PPIP5K2: variants seen among roughly 807,000 people sequenced by gnomAD.
PPIP5K2 encodes the protein inositol hexakisphosphate and diphosphoinositol-pentakisphosphate kinase 2.
Under a neutral mutation model 154.6 loss-of-function variants are expected in PPIP5K2, and 105 were observed. The ratio of observed to expected loss-of-function variants is 0.68; its 90% CI spans 0.58 to 0.80. PPIP5K2 has a LOEUF of 0.80. Among genes scored for constraint, PPIP5K2 ranks in the 30% least tolerant of loss-of-function variants. The pLI, the probability that PPIP5K2 is intolerant of heterozygous loss-of-function variation, is 0.00. For synonymous variants in PPIP5K2, 480 were observed against 490.3 expected (o/e 0.98, Z 0.28); for missense variants, 992 against 1,504.6 (o/e 0.66, Z 5.64).
rs567943185 is a variant in PPIP5K2, at chr5:103,161,239, T to C, written c.1920+1911T>C. ...GTTTTTTGTCCTTTCGATAGTTTGC[T>C]GAGAATGATGGTTTCCAGCTTCATC... On this transcript the variant is annotated intron_variant, in intron 17 of 30. Coordinates refer to ENST00000358359, the MANE Select transcript of PPIP5K2 (RefSeq NM_001276277.3). Among the ~76,000 whole-genome samples, 1,024 of 152,230 alleles carry C rather than the reference T, an allele frequency of 6.7e-3. 7 individuals carry two copies. Among genetic ancestry groups the C allele is most frequent in the Non-Finnish European group, 0.013 (852 of 68,020 alleles).
Position 103,154,746 on chromosome 5 carries a change from G to A in PPIP5K2, c.1293+1G>A. 1 of 1,581,554 alleles carries A rather than the reference G, an allele frequency of 6.3e-7. No homozygotes were observed. Among genetic ancestry groups the A allele is most frequent in the Non-Finnish European group, 8.6e-7 (1 of 1,163,284 alleles). On this transcript the variant is annotated splice_donor_variant, in intron 12 of 30. Coordinates refer to ENST00000358359, the MANE Select transcript of PPIP5K2 (RefSeq NM_001276277.3). LOFTEE classifies it high-confidence loss of function. ...ACTCAAAAAACCAAAACAGTTACAG[G>A]CAAGTGTATTTGCTTTCTTGTTTAA...
chr5:103,128,670 G>C (rs1790120483), intron 1 of PPIP5K2, among the ~76,000 whole-genome samples: 1 of 152,056 alleles, frequency 6.6e-6, no homozygotes, highest in African/African-American at 2.4e-5. Flanking sequence ...TAGTGCACAT[G>C]TACTTTTTTT....
intron 19 of PPIP5K2, among the ~76,000 whole-genome samples, chr5:103,170,965 G>C (rs776397605): frequency 6.6e-6 from 1 of 151,500 alleles, no homozygotes; most frequent in Non-Finnish European, 1.5e-5. Flanking sequence ...GGGTACCACT[G>C]TGAAAGAGAA....
chr5:103,121,168 T>G (rs1307890865), intron 1 of PPIP5K2, among the ~76,000 whole-genome samples: 7 of 127,926 alleles, frequency 5.5e-5, no homozygotes, highest in African/African-American at 2.0e-4. Flanking sequence ...ATAGCTGACC[T>G]TAGCACGTAA....
rs782338131 is a variant in PPIP5K2, at chr5:103,147,919, T to A, written c.643-12T>A. On this transcript the variant is annotated splice_polypyrimidine_tract_variant and intron_variant, in intron 6 of 30. Coordinates refer to ENST00000358359, the MANE Select transcript of PPIP5K2 (RefSeq NM_001276277.3). ...TTGCTTTTTTATATCGATGGACATC[T>A]TTTGTTTTCAGATTGGCAGTAGAAG... 1.3e-6 allele frequency: 2 copies of A among 1,528,422 alleles called. No individual in the cohort carries two copies. The highest frequency in any genetic ancestry group is 1.8e-6 in the Non-Finnish European group (2 of 1,126,812). 94.7% of individuals were successfully genotyped at this position (1,528,422 alleles called of 1,614,324 possible). A position where few individuals can be genotyped will look rare whatever the true frequency, so the allele number is the denominator to read the frequency against.
Position 103,131,551 on chromosome 5 carries a change from G to T in PPIP5K2, c.114+1848G>T, listed in dbSNP as rs748722846. Among the ~76,000 whole-genome samples, 6 of 152,138 alleles carry T rather than the reference G, an allele frequency of 3.9e-5. 1 individual carries two copies. The highest frequency in any genetic ancestry group is 3.4e-3 in the Middle Eastern group (1 of 294). ...TATCACAATTTATTTTATTATTACT[G>T]TGTTCCCTGTTAAGGACAGGTAATT... On this transcript the variant is annotated intron_variant, in intron 2 of 30. Coordinates refer to ENST00000358359, the MANE Select transcript of PPIP5K2 (RefSeq NM_001276277.3).
chr5:103,183,550 T>C lies in PPIP5K2; in HGVS notation c.3096+143T>C, dbSNP rs141995996. 1.9e-4 allele frequency: 128 copies of C among 685,314 alleles called. 1 individual carries two copies. The African/African-American group carries it at 2.2e-3, about 12-fold the overall frequency. 42.5% of individuals were successfully genotyped at this position (685,314 alleles called of 1,614,324 possible). A position where few individuals can be genotyped will look rare whatever the true frequency, so the allele number is the denominator to read the frequency against. The stretch of plus-strand genomic sequence containing the variant: ...TAATTTTGAGTTCATTTAAAAATAC[T>C]TAATGATATCTGCCAATATTCAAGG... On this transcript the variant is annotated intron_variant, in intron 25 of 30. Coordinates refer to ENST00000358359, the MANE Select transcript of PPIP5K2 (RefSeq NM_001276277.3).
chr5:103,159,435 CAT>C (rs1427106788), intron 17 of PPIP5K2, 107 bp downstream of exon 17: 1 of 919,202 alleles, frequency 1.1e-6, no homozygotes, highest in Middle Eastern at 2.6e-4. Context: ...AGCAAATACA[CAT>C]GTTATCATCC....
At chr5:103,199,804 A>G (rs2149850152) in intron 30 of PPIP5K2, among the ~76,000 whole-genome samples, 1 of 152,126 alleles carries the variant, frequency 6.6e-6, no homozygotes, top group South Asian at 2.1e-4. Context: ...TGATTCTTTT[A>G]AATAGTTTTT....
At position 103,152,749 on chromosome 5, in the gene PPIP5K2, T is replaced by C; in HGVS notation, c.1130T>C (p.Met377Thr). Residue 377 changes from methionine (M) to threonine (T), a missense_variant and splice_region_variant, in exon 10 of 31, where the codon ATG (methionine) becomes ACG (threonine). By Grantham distance (81) the Met-to-Thr change is moderately conservative. Around this residue, in one of 9 missense-constraint regions of PPIP5K2, gnomAD observed 163 missense variants for 285.2 expected, o/e 0.57. Coordinates refer to ENST00000358359, the MANE Select transcript of PPIP5K2 (RefSeq NM_001276277.3). Reference sequence around the variant, plus strand: ...ATTGTACCAACTACATCTGGAACTATGTAAGTCTGAATTATTTTCATTTAG... The same window carrying C: ...ATTGTACCAACTACATCTGGAACTACGTAAGTCTGAATTATTTTCATTTAG... ...IPIVPTTSGT[M>T]MELRCVIAVI... The C allele has an allele frequency of 6.5e-7, 1 of 1,530,638 alleles. No homozygotes were observed. The highest frequency in any genetic ancestry group is 9.0e-7 in the Non-Finnish European group (1 of 1,108,084). The allele number at this position is 1,530,638 out of a possible 1,614,324, so 94.8% of individuals were successfully genotyped here.
chr5:103,129,756 TTTA>T, intron 2 of PPIP5K2, 53 bp downstream of exon 2: 1 of 1,474,222 alleles, frequency 6.8e-7, no homozygotes, highest in Non-Finnish European at 9.0e-7. Context: ...GTATAGGCTT[TTTA>T]CTAATCACTG....
chr5:103,172,447 A>G (rs1401838279), intron 19 of PPIP5K2, among the ~76,000 whole-genome samples: 2 of 150,952 alleles, frequency 1.3e-5, no homozygotes, highest in African/African-American at 4.9e-5. Context: ...TTGGAGAGAG[A>G]AGGTATATGT....
At chr5:103,187,450 TG>T (rs1562496299) in intron 28 of PPIP5K2, 74 bp downstream of exon 28, 1 of 1,189,226 alleles carries the variant, frequency 8.4e-7, no homozygotes, top group African/African-American at 1.5e-5. Flanking sequence ...TTTCAAAATG[TG>T]GGGTATACAG....
chr5:103,132,527 CAG>C (rs1790803170), intron 2 of PPIP5K2, among the ~76,000 whole-genome samples: 1 of 151,618 alleles, frequency 6.6e-6, no homozygotes, highest in Non-Finnish European at 1.5e-5. Context: ...GCCTGGGCGA[CAG>C]AGCGAGACTT....
At chr5:103,175,804 A>G (rs1798614213) in intron 21 of PPIP5K2, among the ~76,000 whole-genome samples, 1 of 152,050 alleles carries the variant, frequency 6.6e-6, no homozygotes, top group Admixed American at 6.6e-5. Flanking sequence ...TTTTGGGCAT[A>G]TATTGAATTC....
intron 5 of PPIP5K2, among the ~76,000 whole-genome samples, chr5:103,141,497 T>C (rs1792649560): frequency 6.6e-6 from 1 of 152,188 alleles, no homozygotes; most frequent in Non-Finnish European, 1.5e-5. Context: ...GCTTTTATTC[T>C]CTTATCTGGC....
At position 103,208,379 on chromosome 5, in the gene PPIP5K2, A is replaced by G. The variant is rs1264696018; in HGVS notation, c.*6745A>G. 6.6e-6 allele frequency: 1 copy of G among 152,232 alleles called. No homozygotes were observed. Among genetic ancestry groups the G allele is most frequent in the Non-Finnish European group, 1.5e-5 (1 of 68,110 alleles). The allele number at this position is 152,232 out of a possible 1,614,324, so 9.4% of individuals were successfully genotyped here. A position where few individuals can be genotyped will look rare whatever the true frequency, so the allele number is the denominator to read the frequency against. ...GCTGGAATTACAGGCATGAGCCATC[A>G]TGCCCGGCCGTAGGTTGGCATTTTA... On this transcript the variant is annotated 3_prime_UTR_variant, in exon 31 of 31. Transcript: ENST00000358359.
intron 17 of PPIP5K2, among the ~76,000 whole-genome samples, chr5:103,161,168 T>C (rs1229400826): frequency 1.3e-5 from 2 of 150,248 alleles, no homozygotes; most frequent in Non-Finnish European, 1.5e-5. Context: ...GTCCAAGTGT[T>C]CTCATTGTTC....
At chr5:103,132,860 A>G (rs1275343798) in intron 2 of PPIP5K2, among the ~76,000 whole-genome samples, 1 of 152,178 alleles carries the variant, frequency 6.6e-6, no homozygotes, top group African/African-American at 2.4e-5. Context: ...TTGAGCTGTT[A>G]CGAGGATGCC....
Sources: gnomAD v4.1 joint callset for allele counts (sites outside exome capture counted in the v4.1 genomes callset) on GRCh38, gnomAD v4.1.1 for gene constraint, gnomAD v4.1.1 regional missense constraint, MANE v1.5 for transcripts, NCBI Gene and HGNC (gene_info 2026-07-23, HGNC 2026-07-21) for gene names.